The following NLRP5 variants were observed in gnomAD, a reference collection of about 807,000 sequenced individuals.
NLRP5 encodes the protein NLR family pyrin domain containing 5.
Under a neutral mutation model 113.1 loss-of-function variants are expected in NLRP5, and 93 were observed. That is an observed-to-expected ratio of 0.82 (90% CI 0.70 to 0.98). NLRP5 has a LOEUF of 0.98. Ranked by LOEUF, NLRP5 falls within the 50% of genes least tolerant of loss-of-function variation. The pLI is 0.00. For missense variants in NLRP5, 1,808 were observed against 1,514.3 expected (o/e 1.19, Z -3.22); for synonymous variants, 751 against 600.7 (o/e 1.25, Z -3.66).
chr19:56,053,628 C>T lies in NLRP5; in HGVS notation c.3129-10C>T, dbSNP rs1233955707. ...AGAGGCAGACTCTCTCTATTCCCCGCCTCTTGCAGGTTGGTAAAGTGTCAT... is the reference window on the plus strand; with the variant it reads ...AGAGGCAGACTCTCTCTATTCCCCGTCTCTTGCAGGTTGGTAAAGTGTCAT... On this transcript the variant is annotated splice_polypyrimidine_tract_variant and intron_variant, in intron 12 of 14. Transcript: ENST00000390649. 7 of 1,610,488 alleles carry T rather than the reference C, an allele frequency of 4.3e-6. No individual in the cohort carries two copies. In the Admixed American group the frequency reaches 1.0e-4, roughly 23 times the overall value.
chr19:55,998,104 A>G (rs1981393377), upstream of NLRP5, among the ~76,000 whole-genome samples: 1 of 152,086 alleles, frequency 6.6e-6, no homozygotes, highest in Non-Finnish European at 1.5e-5. Flanking sequence ...GTTAATGAAA[A>G]CCTTGCCTCT....
At chr19:56,048,875 T>C (rs1983820584) in intron 11 of NLRP5, among the ~76,000 whole-genome samples, 1 of 151,250 alleles carries the variant, frequency 6.6e-6, no homozygotes, top group African/African-American at 2.4e-5. Flanking sequence ...GCATTTAACA[T>C]AATCCCAGAC....
chr19:56,025,676 C>T (rs539391868), intron 6 of NLRP5, among the ~76,000 whole-genome samples: 19 of 152,146 alleles, frequency 1.2e-4, no homozygotes, highest in African/African-American at 4.1e-4. Context: ...TCCCAAAGTG[C>T]TGGGATTACA....
chr19:55,994,970 G>A (rs781721259), upstream of NLRP5, among the ~76,000 whole-genome samples: 16 of 152,212 alleles, frequency 1.1e-4, no homozygotes, highest in Non-Finnish European at 1.6e-4. Flanking sequence ...TGGTTATCCC[G>A]TTTTCGCAGT....
intron 12 of NLRP5, among the ~76,000 whole-genome samples, chr19:56,052,058 G>A (rs145989195): frequency 3.7e-4 from 56 of 152,246 alleles, no homozygotes; most frequent in African/African-American, 1.3e-3. Context: ...TTTAAGTGCT[G>A]GGAGATTAAC....
In NLRP5 at chr19:56,019,124, G is replaced by T. The variant is rs140038375; in HGVS notation, c.566-218G>T. On this transcript the variant is annotated intron_variant, in intron 4 of 14. Transcript: ENST00000390649. ...CCTTCATTTTAATAACTTGTGCAAGGCTCTTCAAGGAGAAATGAGCCTGGG... is the reference window on the plus strand; with the variant it reads ...CCTTCATTTTAATAACTTGTGCAAGTCTCTTCAAGGAGAAATGAGCCTGGG... Among the ~76,000 whole-genome samples, 486 of 152,136 alleles carry T rather than the reference G, an allele frequency of 3.2e-3. 1 individual carries two copies. The highest frequency in any genetic ancestry group is 0.011 in the African/African-American group (456 of 41,506).
At chr19:56,047,771 G>A (rs1359880190) in intron 11 of NLRP5, among the ~76,000 whole-genome samples, 2 of 152,062 alleles carry the variant, frequency 1.3e-5, no homozygotes, top group Admixed American at 1.3e-4. Context: ...TAAATCCATT[G>A]TTTCTTTGAC....
At chr19:56,016,716 T>C (rs983790174) in intron 4 of NLRP5, among the ~76,000 whole-genome samples, 2 of 152,216 alleles carry the variant, frequency 1.3e-5, no homozygotes, top group African/African-American at 4.8e-5. Flanking sequence ...TGTGCCTGGC[T>C]TACTTCACTT....
At chr19:56,034,081 G>GTAT (rs1983224613) in intron 9 of NLRP5, among the ~76,000 whole-genome samples, 1 of 152,148 alleles carries the variant, frequency 6.6e-6, no homozygotes, top group Non-Finnish European at 1.5e-5. Flanking sequence ...GATTTTAATT[G>GTAT]TATAGAGGTT....
At chr19:56,016,043 C>T (rs1205712803) in intron 4 of NLRP5, among the ~76,000 whole-genome samples, 2 of 151,996 alleles carry the variant, frequency 1.3e-5, no homozygotes, top group Non-Finnish European at 2.9e-5. Context: ...ATTGTATATA[C>T]TTATGGGGCG....
chr19:56,033,261 CAAAA>C (rs545337812), intron 8 of NLRP5, among the ~76,000 whole-genome samples: 2 of 150,448 alleles, frequency 1.3e-5, no homozygotes, highest in Non-Finnish European at 3.0e-5. Context: ...AAACAAAAAA[CAAAA>C]AAAAACCTTG....
intron 10 of NLRP5, among the ~76,000 whole-genome samples, chr19:56,040,660 G>A (rs751022222): frequency 2.0e-5 from 3 of 152,178 alleles, no homozygotes; most frequent in Non-Finnish European, 4.4e-5. Flanking sequence ...ACTGGAAATG[G>A]CTGAGCAGTG....
At chr19:56,056,656 C>T (rs1341710666) in intron 13 of NLRP5, among the ~76,000 whole-genome samples, 1 of 152,208 alleles carries the variant, frequency 6.6e-6, no homozygotes, top group Non-Finnish European at 1.5e-5. Context: ...GTGTGCAGCA[C>T]CTTATACCAT....
upstream of NLRP5, among the ~76,000 whole-genome samples, chr19:55,996,269 GT>G (rs1892071692): frequency 6.6e-6 from 1 of 152,124 alleles, no homozygotes; most frequent in African/African-American, 2.4e-5. Flanking sequence ...CTAGCTGTGG[GT>G]TTGTCATACA....
At position 56,028,525 on chromosome 19, in the gene NLRP5, A is replaced by G; in HGVS notation, c.2276+16A>G. ...TCCCTCTATGGTGAGTACCCCAGGCAGTTTTATCCTATGCCGTGTGCTGAG... is the reference window on the plus strand; with the variant it reads ...TCCCTCTATGGTGAGTACCCCAGGCGGTTTTATCCTATGCCGTGTGCTGAG... On this transcript the variant is annotated intron_variant, in intron 7 of 14. Coordinates refer to ENST00000390649, the MANE Select transcript of NLRP5 (RefSeq NM_153447.4). The G allele has an allele frequency of 1.2e-6, 2 of 1,606,296 alleles. No homozygotes were observed. Among genetic ancestry groups the G allele is most frequent in the Non-Finnish European group, 1.7e-6 (2 of 1,175,908 alleles).
chr19:56,015,833 C>T, intron 4 of NLRP5, 35 bp downstream of exon 4: 3 of 1,511,690 alleles, frequency 2.0e-6, no homozygotes, highest in South Asian at 1.3e-5. Context: ...TGTTGCCCTC[C>T]TGGAAGAAAG....
rs567772264 is a variant in NLRP5, at chr19:56,027,425, G to A, written c.1192G>A (p.Val398Ile). ...CCTCATACGCAGTCTGCTGAGGAAG[G>A]TCCTGCTCCCTGAGTCCTTCCTGAT... The change falls in exon 7 of 15, where the codon GTC becomes ATC. Residue 398 changes from valine (V) to isoleucine (I), a missense_variant. Val to Ile is a conservative substitution (Grantham distance 29). Transcript: ENST00000390649. 8.7e-6 allele frequency: 14 copies of A among 1,613,538 alleles called. No homozygotes were observed. The East Asian group carries it at 2.2e-4, about 26-fold the overall frequency.
chr19:56,033,542 G>A lies in NLRP5; in HGVS notation c.2448G>A (p.Met816Ile), dbSNP rs769309610. The stretch of plus-strand genomic sequence containing the variant: ...ATGTGTCTCCCCTTCCCCATTGCAG[G>A]TTTAGAAATGCACAGATTACCCCTG... Residue 816 changes from methionine (M) to isoleucine (I), a missense_variant and splice_region_variant, in exon 9 of 15, where the codon ATG (methionine) becomes ATA (isoleucine). Met to Ile is a conservative substitution (Grantham distance 10, BLOSUM62 1). Coordinates refer to ENST00000390649, the MANE Select transcript of NLRP5 (RefSeq NM_153447.4). The A allele has an allele frequency of 1.2e-6, 2 of 1,611,022 alleles. No homozygotes were observed. Among genetic ancestry groups the A allele is most frequent in the African/African-American group, 1.3e-5 (1 of 74,952 alleles).
chr19:56,001,202 G>T (rs513926), intron 1 of NLRP5, among the ~76,000 whole-genome samples: 51,786 of 146,760 alleles, frequency 0.35, 9,774 homozygotes, highest in East Asian at 0.62. Context: ...ATGCAAGCCT[G>T]TGGTCGCAGC....
Sources: allele counts gnomAD v4.1 joint callset (sites outside exome capture counted in the v4.1 genomes callset), GRCh38; gene constraint gnomAD v4.1.1; transcripts MANE v1.5; gene names NCBI Gene and HGNC (gene_info 2026-07-23, HGNC 2026-07-21).